The following WDPCP variants were observed in gnomAD, a reference collection of about 807,000 sequenced individuals.
WDPCP encodes the protein WD repeat-containing and planar cell polarity effector protein fritz homolog.
Under a neutral mutation model 93.1 loss-of-function variants are expected in WDPCP, and 71 were observed. The ratio of observed to expected loss-of-function variants is 0.76; its 90% CI spans 0.63 to 0.93. WDPCP has a LOEUF of 0.93. Ranked by LOEUF, WDPCP falls within the 40% of genes least tolerant of loss-of-function variation. The pLI is 0.00. For missense variants in WDPCP, 844 were observed against 887.4 expected (o/e 0.95, Z 0.62); for synonymous variants, 315 against 315.0 (o/e 1.00, Z 0.00).
intron 12 of WDPCP, among the ~76,000 whole-genome samples, chr2:63,327,940 A>C (rs1252773024): frequency 6.6e-6 from 1 of 152,148 alleles, no homozygotes; most frequent in Non-Finnish European, 1.5e-5. Context: ...TTCCCCTCTG[A>C]AGGACACTAC....
rs564822340 is a variant in WDPCP, at chr2:63,817,645, G to C, written n.223-3938C>G. 6.8e-4 allele frequency among the ~76,000 whole-genome samples: 104 copies of C among 152,220 alleles called. 1 individual carries two copies. The highest frequency in any genetic ancestry group is 3.4e-3 in the Middle Eastern group (1 of 294). ...CACTCTACAAAGGCAGAGTTCAGTA[G>C]CTGTGACAGAGACCAGACAGTCTGC... On this transcript the variant is annotated intron_variant and non_coding_transcript_variant, in intron 1 of 4. Transcript: ENST00000467687.
At chr2:63,305,857 T>C (rs1213092677) in intron 13 of WDPCP, among the ~76,000 whole-genome samples, 1 of 151,034 alleles carries the variant, frequency 6.6e-6, no homozygotes, top group Non-Finnish European at 1.5e-5. Flanking sequence ...GAGAAGAACA[T>C]AAATGACCTG....
intron 14 of WDPCP, among the ~76,000 whole-genome samples, chr2:63,238,782 G>A (rs996802927): frequency 3.3e-5 from 5 of 152,070 alleles, no homozygotes; most frequent in African/African-American, 1.2e-4. Flanking sequence ...GGAGTAATAG[G>A]TCTTTTCTTT....
chr2:63,743,328 A>T (rs17619855), intron 2 of WDPCP, among the ~76,000 whole-genome samples: 27,636 of 152,082 alleles, frequency 0.18, 2,750 homozygotes, highest in Middle Eastern at 0.27. Context: ...TGTTAGAGTC[A>T]CACTTAACAC....
chr2:63,622,912 C>CG lies in WDPCP; in HGVS notation n.488+27746dup, dbSNP rs893388546. ...GAGGCACGCGGGGGCCGGGCCAGGC[C>CG]GGGGCTCGGCGCACACCTGCTGCCA... On this transcript the variant is annotated intron_variant and non_coding_transcript_variant, in intron 3 of 4. Transcript: ENST00000467687. 5.1e-6 allele frequency: 6 copies of CG among 1,183,202 alleles called. No individual in the cohort carries two copies. In the African/African-American group the frequency reaches 9.1e-5, roughly 18 times the overall value. The allele number at this position is 1,183,202 out of a possible 1,614,324, so 73.3% of individuals were successfully genotyped here. A position where few individuals can be genotyped will look rare whatever the true frequency, so the allele number is the denominator to read the frequency against.
At chr2:63,769,704 T>A (rs897408216) in intron 2 of WDPCP, among the ~76,000 whole-genome samples, 1 of 151,944 alleles carries the variant, frequency 6.6e-6, no homozygotes, top group Non-Finnish European at 1.5e-5. Flanking sequence ...CATGAAATAG[T>A]TCTTTAAAAT....
intron 2 of WDPCP, among the ~76,000 whole-genome samples, chr2:63,769,800 G>A (rs139953004): frequency 2.0e-5 from 3 of 151,924 alleles, no homozygotes; most frequent in East Asian, 3.9e-4. Context: ...CAAGGTTGAT[G>A]GGGAAAAAAA....
At chr2:63,330,293 T>C (rs1003015329) in intron 12 of WDPCP, among the ~76,000 whole-genome samples, 4 of 152,208 alleles carry the variant, frequency 2.6e-5, no homozygotes, top group African/African-American at 9.6e-5. Flanking sequence ...TGTAAGGTGT[T>C]ATCTCTTTGT....
At chr2:63,623,973 TAACA>T (rs1184304788) in intron 3 of WDPCP, among the ~76,000 whole-genome samples, 2 of 152,262 alleles carry the variant, frequency 1.3e-5, no homozygotes, top group Non-Finnish European at 2.9e-5. Flanking sequence ...ACAGAAATCA[TAACA>T]AACAGTCACT....
At chr2:63,659,754 A>G (rs1293772752) in intron 2 of WDPCP, among the ~76,000 whole-genome samples, 1 of 152,204 alleles carries the variant, frequency 6.6e-6, no homozygotes, top group Non-Finnish European at 1.5e-5. Context: ...TACAGTAGAT[A>G]CAACTATATA....
chr2:63,604,748 G>T, intron 3 of WDPCP: 3 of 1,614,102 alleles, frequency 1.9e-6, no homozygotes, highest in Non-Finnish European at 2.5e-6. Flanking sequence ...GTCATTATCT[G>T]GGGAAACCAT....
chr2:63,152,971 T>C (rs1422393236), intron 16 of WDPCP, 26 bp from the exon 17 acceptor site: 1 of 1,608,804 alleles, frequency 6.2e-7, no homozygotes, highest in African/African-American at 1.3e-5. Context: ...AAAACATTAA[T>C]TATCTTAAAA....
intron 14 of WDPCP, among the ~76,000 whole-genome samples, chr2:63,239,621 TA>T (rs1321969464): frequency 2.0e-5 from 3 of 152,196 alleles, no homozygotes; most frequent in Non-Finnish European, 4.4e-5. Context: ...TTTATACATG[TA>T]AAATATCTGT....
At chr2:63,593,620 T>A (rs1709244340), upstream of WDPCP, 1 of 471,590 alleles carries the variant, frequency 2.1e-6, no homozygotes. Flanking sequence ...GGACCATTTC[T>A]CCATGCAGGT....
At chr2:63,726,633 G>C (rs1033966988) in intron 2 of WDPCP, among the ~76,000 whole-genome samples, 1 of 152,190 alleles carries the variant, frequency 6.6e-6, no homozygotes, top group African/African-American at 2.4e-5. Flanking sequence ...GCTTTGGGCA[G>C]TGTGGCCATT....
chr2:63,540,805 G>C (rs1013015763), intron 1 of WDPCP, among the ~76,000 whole-genome samples: 1 of 152,128 alleles, frequency 6.6e-6, no homozygotes, highest in African/African-American at 2.4e-5. Context: ...CCAGGCTGGA[G>C]TGCAGTGGGG....
chr2:63,491,789 C>A (rs1416137457), intron 2 of WDPCP, among the ~76,000 whole-genome samples: 1 of 152,168 alleles, frequency 6.6e-6, no homozygotes, highest in Admixed American at 6.5e-5. Context: ...CAATATCTGG[C>A]TCCTCAAATT....
intron 14 of WDPCP, among the ~76,000 whole-genome samples, chr2:63,231,080 AGGCT>A (rs1678830212): frequency 6.6e-6 from 1 of 152,210 alleles, no homozygotes; most frequent in Non-Finnish European, 1.5e-5. Context: ...CTGGGATGCA[AGGCT>A]GGTTCAATAT....
At chr2:63,690,946 T>C (rs568190771) in intron 2 of WDPCP, among the ~76,000 whole-genome samples, 1 of 151,508 alleles carries the variant, frequency 6.6e-6, no homozygotes, top group Non-Finnish European at 1.5e-5. Context: ...ATGGTAATAG[T>C]AAAAAAAAAC....
Sources: allele counts gnomAD v4.1 joint callset (sites outside exome capture counted in the v4.1 genomes callset), GRCh38; gene constraint gnomAD v4.1.1; transcripts MANE v1.5; gene names NCBI Gene and HGNC (gene_info 2026-07-23, HGNC 2026-07-21).